The following SPTA1 variants were observed in gnomAD, a reference collection of about 807,000 sequenced individuals.
SPTA1 encodes spectrin alpha chain, erythrocytic 1.
A neutral mutation model predicts 324.7 loss-of-function variants in SPTA1; 177 were observed. That is an observed-to-expected ratio of 0.55 (90% CI 0.48 to 0.62). SPTA1 has a LOEUF of 0.62. Ranked by LOEUF, SPTA1 falls within the 20% of genes least tolerant of loss-of-function variation. SPTA1 has a pLI of 0.00. For synonymous variants in SPTA1, 1,195 were observed against 1,041.3 expected (o/e 1.15, Z -2.84); for missense variants, 3,162 against 2,883.6 (o/e 1.10, Z -2.21).
At chr1:158,674,180 A>G (rs1052228610) in intron 10 of SPTA1, 149 bp downstream of exon 10, 3 of 887,350 alleles carry the variant, frequency 3.4e-6, no homozygotes, top group Middle Eastern at 3.2e-4. Flanking sequence ...TGTATATGAA[A>G]GGAAGCAGTG....
chr1:158,612,790 T>A (rs199503387), intron 51 of SPTA1, 27 bp downstream of exon 51: 39 of 1,613,016 alleles, frequency 2.4e-5, no homozygotes, highest in Middle Eastern at 3.3e-4. Flanking sequence ...GATGACAGTG[T>A]AGTAGGGGAA....
Position 158,685,235 on chromosome 1 carries a change from C to A in SPTA1, c.137G>T (p.Gly46Val), listed in dbSNP as rs121918638. 1.3e-5 allele frequency: 21 copies of A among 1,613,774 alleles called. No homozygotes were observed. Among genetic ancestry groups the A allele is most frequent in the Non-Finnish European group, 1.8e-5 (21 of 1,179,814 alleles). The change falls in exon 2 of 52, where the codon GGT becomes GTT. Residue 46 changes from glycine to valine, a missense_variant. By Grantham distance (109) the Gly-to-Val change is moderately radical. Transcript: ENST00000643759. Reference protein sequence around the residue: ...QSFKERVAERGQKLEDSYHLQ... With the variant: ...QSFKERVAERVQKLEDSYHLQ... ...GTGATAGGAATCCTCAAGCTTCTGA[C>A]CCCTCTCAGCGACCCGCTCCTTGAA...
chr1:158,649,420 T>C (rs1015002292), intron 25 of SPTA1, among the ~76,000 whole-genome samples: 1 of 152,166 alleles, frequency 6.6e-6, no homozygotes, highest in Non-Finnish European at 1.5e-5. Flanking sequence ...GTTGGGACCA[T>C]AGGCCTGTGC....
At chr1:158,619,066 A>G in intron 45 of SPTA1, 156 bp downstream of exon 45, 1 of 749,306 alleles carries the variant, frequency 1.3e-6, no homozygotes, top group Admixed American at 2.1e-5. Flanking sequence ...TTCAGAAAAC[A>G]GTCAACTCCA....
Position 158,638,158 on chromosome 1 carries a change from T to A in SPTA1, c.5064A>T (p.Lys1688Asn), listed in dbSNP as rs1651227760. 2 of 1,613,822 alleles carry A rather than the reference T, an allele frequency of 1.2e-6. No homozygotes were observed. Among genetic ancestry groups the A allele is most frequent in the African/African-American group, 2.7e-5 (2 of 74,930 alleles). The change falls in exon 36 of 52, where the codon AAA becomes AAT. Residue 1688 changes from lysine to asparagine, a missense_variant. Coordinates refer to ENST00000643759, the MANE Select transcript of SPTA1 (RefSeq NM_003126.4). ...TCAGGAAACGCTTGTTGACATTATC[T>A]TTTTTCTTCACAATCTGATCAACGT... is the stretch of plus-strand genomic sequence containing the variant. The part of the protein sequence containing the change: ...TFNVDQIVKK[K>N]DNVNKRFLNV...
At chr1:158,681,856 C>A (rs755309974) in intron 3 of SPTA1, among the ~76,000 whole-genome samples, 189 bp from the exon 4 acceptor site, 39 of 152,058 alleles carry the variant, frequency 2.6e-4, no homozygotes, top group African/African-American at 9.2e-4. Flanking sequence ...AAGCCAAATG[C>A]GATCTTACAT....
rs1271691361 is a variant in SPTA1, at chr1:158,643,195, G to A, written c.4442+127C>T. On this transcript the variant is annotated intron_variant, in intron 31 of 51. Coordinates refer to ENST00000643759, the MANE Select transcript of SPTA1 (RefSeq NM_003126.4). ...AAATCTAAGTCAGAAAGTCTGCATA[G>A]GTGTCAAGATAGTTTTAGTCACCTA... 4.0e-6 allele frequency: 5 copies of A among 1,238,440 alleles called. No individual in the cohort carries two copies. In the African/African-American group the frequency reaches 6.0e-5, roughly 15 times the overall value. 76.7% of individuals were successfully genotyped at this position (1,238,440 alleles called of 1,614,324 possible).
At chr1:158,679,305 G>GATTTATTC (rs1654627345) in intron 5 of SPTA1, among the ~76,000 whole-genome samples, 1 of 151,992 alleles carries the variant, frequency 6.6e-6, no homozygotes, top group Non-Finnish European at 1.5e-5. Flanking sequence ...AGCTGTGTTG[G>GATTTATTC]ATTTATTCTT....
intron 22 of SPTA1, 81 bp from the exon 23 acceptor site, chr1:158,652,734 A>G: frequency 6.7e-7 from 1 of 1,487,464 alleles, no homozygotes; most frequent in Non-Finnish European, 9.3e-7. Context: ...ACATAGAGAA[A>G]GAAGGAACAA....
intron 29 of SPTA1, 53 bp downstream of exon 29, chr1:158,645,135 C>T: frequency 1.3e-6 from 2 of 1,591,902 alleles, no homozygotes; most frequent in Non-Finnish European, 1.7e-6. Context: ...TATGAAATTG[C>T]ATAGGAGAAA....
At chr1:158,629,753 A>G (rs760358516) in intron 39 of SPTA1, among the ~76,000 whole-genome samples, 81 of 152,074 alleles carry the variant, frequency 5.3e-4, no homozygotes, top group Admixed American at 1.0e-3. Flanking sequence ...AATACAGAGA[A>G]CTCTGAACAC....
chr1:158,634,718 G>C, intron 38 of SPTA1, 43 bp from the exon 39 acceptor site: 2 of 1,612,390 alleles, frequency 1.2e-6, no homozygotes, highest in African/African-American at 1.3e-5. Context: ...AGAACAAACT[G>C]GTAAGCAGTG....
intron 23 of SPTA1, among the ~76,000 whole-genome samples, 175 bp from the exon 24 acceptor site, chr1:158,651,643 C>T (rs561060015): frequency 6.6e-6 from 1 of 152,278 alleles, no homozygotes; most frequent in African/African-American, 2.4e-5. Flanking sequence ...GATCTTGACA[C>T]CTAGTGGCTG....
In SPTA1 at chr1:158,634,682, CA is replaced by C. The variant is rs771091438; in HGVS notation, c.5433-8del. On this transcript the variant is annotated splice_polypyrimidine_tract_variant and splice_region_variant and intron_variant, in intron 38 of 51. Coordinates refer to ENST00000643759, the MANE Select transcript of SPTA1 (RefSeq NM_003126.4). Reference sequence around the variant, plus strand: ...TTCTTCCAACTTAAGTCCTCTATAACAAGGTGGCAAGCCCCAGTGAGGATAA... The same window carrying C: ...TTCTTCCAACTTAAGTCCTCTATAACAGGTGGCAAGCCCCAGTGAGGATAA... The C allele has an allele frequency of 1.1e-4, 173 of 1,613,890 alleles. No individual in the cohort carries two copies. Among genetic ancestry groups the C allele is most frequent in the Non-Finnish European group, 1.4e-4 (164 of 1,180,004 alleles).
intron 32 of SPTA1, 33 bp from the exon 33 acceptor site, chr1:158,642,575 C>G (rs1371128835): frequency 1.2e-6 from 2 of 1,612,144 alleles, no homozygotes; most frequent in South Asian, 2.2e-5. Context: ...ATTATATTAT[C>G]TTTTTATTTA....
At chr1:158,668,538 A>T (rs2101906562) in intron 14 of SPTA1, among the ~76,000 whole-genome samples, 1 of 152,334 alleles carries the variant, frequency 6.6e-6, no homozygotes, top group East Asian at 1.9e-4. Context: ...CTATCAAGAT[A>T]TAAGAACAAA....
At chr1:158,680,495 C>T in intron 5 of SPTA1, 88 bp downstream of exon 5, 1 of 1,577,548 alleles carries the variant, frequency 6.3e-7, no homozygotes, top group Admixed American at 1.7e-5. Context: ...AATGCCCCAT[C>T]TCCTTCATAT....
At chr1:158,685,772 T>A (rs1655130751) in intron 1 of SPTA1, among the ~76,000 whole-genome samples, 1 of 152,152 alleles carries the variant, frequency 6.6e-6, no homozygotes, top group African/African-American at 2.4e-5. Flanking sequence ...AAGAATGGCT[T>A]GCAATTAATT....
intron 16 of SPTA1, among the ~76,000 whole-genome samples, chr1:158,664,202 C>T (rs1400712312): frequency 4.6e-5 from 7 of 152,166 alleles, no homozygotes; most frequent in Non-Finnish European, 1.0e-4. Flanking sequence ...GATTATAAAT[C>T]ATTCTACTAT....
Sources: allele counts gnomAD v4.1 joint callset (sites outside exome capture counted in the v4.1 genomes callset), GRCh38; gene constraint gnomAD v4.1.1; transcripts MANE v1.5; gene names NCBI Gene and HGNC (gene_info 2026-07-23, HGNC 2026-07-21).